TARBP1: variants seen among roughly 807,000 people sequenced by gnomAD.
TARBP1 encodes the protein tRNA (guanosine(18)-2'-O)-methyltransferase TARBP1.
A neutral mutation model predicts 178.6 loss-of-function variants in TARBP1; 144 were observed. The ratio of observed to expected loss-of-function variants is 0.81; its 90% CI spans 0.70 to 0.93. The LOEUF (loss-of-function observed/expected upper bound fraction) is 0.93, where lower values mean the gene tolerates loss of function less well. TARBP1 is among the 40% of genes least tolerant of loss of function. The pLI is 0.00. For synonymous variants in TARBP1, 787 were observed against 781.0 expected, an observed-to-expected ratio of 1.01 and a Z score of -0.13; for missense variants, 2,067 against 2,011.7, an observed-to-expected ratio of 1.03 and a Z score of -0.53.
At chr1:234,456,797 C>A (rs750407564) in intron 9 of TARBP1, among the ~76,000 whole-genome samples, 1 of 152,064 alleles carries the variant, frequency 6.6e-6, no homozygotes. Flanking sequence ...TTTAGTTTGA[C>A]GGTAGGCATT....
intron 6 of TARBP1, among the ~76,000 whole-genome samples, chr1:234,460,664 A>T (rs933558146): frequency 6.6e-6 from 1 of 152,220 alleles, no homozygotes; most frequent in African/African-American, 2.4e-5. Flanking sequence ...ACTTAGACGG[A>T]CCACATGATC....
chr1:234,446,833 A>G lies in TARBP1; in HGVS notation c.2104T>C (p.Cys702Arg), dbSNP rs1159991132. 6.2e-7 allele frequency: 1 copy of G among 1,613,920 alleles called. No homozygotes were observed. Among genetic ancestry groups the G allele is most frequent in the African/African-American group, 1.3e-5 (1 of 74,904 alleles). Residue 702 changes from cysteine (C) to arginine (R), a missense_variant, in exon 12 of 30, where the codon TGC (cysteine) becomes CGC (arginine). Cys to Arg is a radical substitution (Grantham distance 180). Transcript: ENST00000040877. ...LQLLLKLLNT[C>R]RLKGSSAQDD... is the part of the protein sequence containing the mutation. ...TGGGCACTGGAACCTTTCAACCTGCATGTGTTCAACAGCTTCAACAGCAGC... is the reference window on the plus strand; with the variant it reads ...TGGGCACTGGAACCTTTCAACCTGCGTGTGTTCAACAGCTTCAACAGCAGC...
At chr1:234,431,961 A>G in intron 14 of TARBP1, among the ~76,000 whole-genome samples, 1 of 151,684 alleles carries the variant, frequency 6.6e-6, no homozygotes, top group East Asian at 1.9e-4. Flanking sequence ...ACATGGTGAA[A>G]CTCCATCTCT....
intron 21 of TARBP1, among the ~76,000 whole-genome samples, chr1:234,419,044 C>T (rs1431198025): frequency 3.3e-5 from 5 of 151,868 alleles, no homozygotes; most frequent in South Asian, 2.1e-4. Flanking sequence ...AGGTGGTGGG[C>T]GCCTGTAGTC....
chr1:234,413,016 G>A (rs936301274), intron 22 of TARBP1, among the ~76,000 whole-genome samples: 16 of 152,100 alleles, frequency 1.1e-4, no homozygotes, highest in Non-Finnish European at 1.8e-4. Flanking sequence ...CCGACCCGCC[G>A]GAAAGCTCAT....
chr1:234,442,584 T>C (rs1031893768), intron 12 of TARBP1, among the ~76,000 whole-genome samples: 3 of 152,296 alleles, frequency 2.0e-5, no homozygotes, highest in Non-Finnish European at 2.9e-5. Context: ...CTATAACCAA[T>C]GAATATGGGA....
In TARBP1 at chr1:234,446,955, TTC is replaced by T. The variant is rs1666245009; in HGVS notation, c.1980_1981del (p.Asn661CysfsTer17). The T allele has an allele frequency of 2.5e-6, 4 of 1,613,260 alleles. No homozygotes were observed. The African/African-American group carries it at 5.3e-5, about 22-fold the overall frequency. On this transcript the variant is annotated frameshift_variant, in exon 12 of 30. Transcript: ENST00000040877. LOFTEE classifies it high-confidence loss of function. ...AGGGTCTAAGAATATCCGCAATACA[TTC>T]TCTGTTCTCTGCTTTCCGCTAGACA...
chr1:234,466,278 G>C (rs1016625415), intron 4 of TARBP1, among the ~76,000 whole-genome samples: 3 of 151,036 alleles, frequency 2.0e-5, no homozygotes, highest in African/African-American at 4.9e-5. Flanking sequence ...TTGGGAGGCT[G>C]AGGTGGGCAG....
At chr1:234,429,959 T>C (rs571346460) in intron 15 of TARBP1, 128 bp downstream of exon 15, 5 of 976,356 alleles carry the variant, frequency 5.1e-6, no homozygotes, top group East Asian at 4.8e-5. Flanking sequence ...AATAATGTTA[T>C]ACCACACTTT....
intron 14 of TARBP1, among the ~76,000 whole-genome samples, chr1:234,433,045 C>A (rs1664630000): frequency 6.6e-6 from 1 of 152,172 alleles, no homozygotes; most frequent in African/African-American, 2.4e-5. Context: ...CGAGACTAGC[C>A]TGGTTAACAT....
chr1:234,402,905 ATTTGGTTTCAAT>A (rs1310333587), intron 24 of TARBP1, among the ~76,000 whole-genome samples: 4 of 151,932 alleles, frequency 2.6e-5, no homozygotes, highest in Non-Finnish European at 5.9e-5. Context: ...ACCTATTTTA[ATTTGGTTTCAAT>A]CCCCTAATTA....
chr1:234,391,883 G>C, intron 29 of TARBP1, 138 bp from the exon 30 acceptor site: 2 of 953,604 alleles, frequency 2.1e-6, no homozygotes, highest in Non-Finnish European at 3.1e-6. Context: ...ATTAACAAAT[G>C]AAGTTAAGTC....
chr1:234,409,277 G>A (rs1661569198), intron 23 of TARBP1, among the ~76,000 whole-genome samples: 1 of 152,058 alleles, frequency 6.6e-6, no homozygotes, highest in Non-Finnish European at 1.5e-5. Context: ...TACAAAAAGG[G>A]CTTGACAGAA....
intron 9 of TARBP1, among the ~76,000 whole-genome samples, chr1:234,456,840 A>G (rs964412923): frequency 2.6e-5 from 4 of 152,216 alleles, no homozygotes; most frequent in Non-Finnish European, 5.9e-5. Context: ...ATATGGTTCT[A>G]TATTTTTCAA....
At chr1:234,457,064 A>C (rs1186208608) in intron 9 of TARBP1, among the ~76,000 whole-genome samples, 4 of 152,170 alleles carry the variant, frequency 2.6e-5, no homozygotes, top group Non-Finnish European at 4.4e-5. Context: ...GCTGGCCCTG[A>C]AGAGTCCTGA....
chr1:234,447,040 A>G, intron 11 of TARBP1, 65 bp from the exon 12 acceptor site: 3 of 1,573,986 alleles, frequency 1.9e-6, no homozygotes, highest in Non-Finnish European at 2.6e-6. Flanking sequence ...CTTCCCACCT[A>G]TAATTGGGTG....
At chr1:234,430,357 T>C in intron 14 of TARBP1, 56 bp from the exon 15 acceptor site, 4 of 1,490,160 alleles carry the variant, frequency 2.7e-6, no homozygotes, top group Non-Finnish European at 3.7e-6. Flanking sequence ...TAATCAGTAA[T>C]GACCTCAGTT....
At chr1:234,402,065 C>T (rs1660726799) in intron 24 of TARBP1, among the ~76,000 whole-genome samples, 1 of 152,206 alleles carries the variant, frequency 6.6e-6, no homozygotes, top group Non-Finnish European at 1.5e-5. Context: ...GCCTTTCCTT[C>T]AGCCTTTTCA....
rs57636903 is a variant in TARBP1 at position 234,451,766 on chromosome 1, A to AC, written c.1723-1201_1723-1200insG. Among the ~76,000 whole-genome samples, 5 of 17,164 alleles carry AC rather than the reference A, an allele frequency of 2.9e-4. 2 individuals are homozygous for AC. Among genetic ancestry groups the AC allele is most frequent in the African/African-American group, 8.2e-4 (2 of 2,428 alleles). 11.3% of individuals were successfully genotyped at this position (17,164 alleles called of 152,430 possible). On this transcript the variant is annotated intron_variant, in intron 9 of 29. Coordinates refer to ENST00000040877, the MANE Select transcript of TARBP1 (RefSeq NM_005646.4). ...TCCGTCTCAAAAAAAAAAAAAAAAAATGATGAATGACTGGATCATCGAAGT... is the reference window on the plus strand; with the variant it reads ...TCCGTCTCAAAAAAAAAAAAAAAAAACTGATGAATGACTGGATCATCGAAGT...
Sources: allele counts gnomAD v4.1 joint callset (sites outside exome capture counted in the v4.1 genomes callset), GRCh38; gene constraint gnomAD v4.1.1; transcripts MANE v1.5; gene names NCBI Gene and HGNC (gene_info 2026-07-23, HGNC 2026-07-21).